The following ZFHX3 variants were observed in gnomAD, a reference collection of about 807,000 sequenced individuals.
ZFHX3 encodes the protein zinc finger homeobox 3, also known as zinc finger homeobox protein 3.
In ZFHX3, 42 loss-of-function variants were observed where a neutral mutation model predicts 279.1. The ratio of observed to expected loss-of-function variants is 0.15; its 90% CI spans 0.12 to 0.19. The LOEUF (loss-of-function observed/expected upper bound fraction) is 0.19. ZFHX3 is among the 10% of genes least tolerant of loss of function. The pLI, the probability that ZFHX3 is intolerant of heterozygous loss-of-function variation, is 1.00. For missense variants in ZFHX3, 4,981 were observed against 4,754.0 expected, an observed-to-expected ratio of 1.05 and a Z score of -1.40; for synonymous variants, 2,293 against 1,957.8, an observed-to-expected ratio of 1.17 and a Z score of -4.52.
rs894949135 is a variant in ZFHX3, at chr16:72,997,848, G to C, written c.-49-37654C>G. Reference sequence around the variant, plus strand: ...CAATCCTGACACTTTGGGAGGCCGAGGCGGCAAGATCGCTTGAGCCCAGGA... The same window carrying C: ...CAATCCTGACACTTTGGGAGGCCGACGCGGCAAGATCGCTTGAGCCCAGGA... On this transcript the variant is annotated intron_variant, in intron 1 of 9. Transcript: ENST00000268489. 3.9e-5 allele frequency among the ~76,000 whole-genome samples: 6 copies of C among 152,174 alleles called. 1 individual carries two copies. The South Asian group carries it at 1.2e-3, about 31-fold the overall frequency.
intron 4 of ZFHX3, among the ~76,000 whole-genome samples, chr16:72,871,897 A>C (rs1181947388): frequency 6.6e-6 from 1 of 152,134 alleles, no homozygotes; most frequent in Non-Finnish European, 1.5e-5. Context: ...CACACTGGCT[A>C]ACACAGTGAA....
At chr16:73,723,833 T>C (rs375422848) in intron 1 of ZFHX3, among the ~76,000 whole-genome samples, 38 of 152,114 alleles carry the variant, frequency 2.5e-4, no homozygotes, top group African/African-American at 9.2e-4. Flanking sequence ...CTTCTAGGGG[T>C]CAAAAGCTAC....
chr16:73,420,899 C>T (rs1304937904), intron 3 of ZFHX3: 1 of 152,198 alleles, frequency 6.6e-6, no homozygotes, highest in African/African-American at 2.4e-5. Context: ...CAACTGTTAT[C>T]TTTGTATTTT....
At chr16:73,049,977 G>A (rs571709281), upstream of ZFHX3, among the ~76,000 whole-genome samples, 4 of 152,260 alleles carry the variant, frequency 2.6e-5, no homozygotes, top group East Asian at 5.8e-4. Flanking sequence ...GGCCCACAAC[G>A]CAGAGATGCC....
intron 9 of ZFHX3, chr16:72,789,988 A>G (rs2035627064): frequency 6.6e-6 from 1 of 152,314 alleles, no homozygotes; most frequent in Admixed American, 6.5e-5. Flanking sequence ...AGGTCTGACC[A>G]TATCACCAGG....
At chr16:73,468,170 G>T (rs2018604278) in intron 2 of ZFHX3, among the ~76,000 whole-genome samples, 2 of 152,158 alleles carry the variant, frequency 1.3e-5, no homozygotes, top group South Asian at 4.1e-4. Flanking sequence ...GGCCCAAAAT[G>T]CTGTCCTCAA....
At chr16:73,314,971 T>A (rs2143176652) in intron 4 of ZFHX3, among the ~76,000 whole-genome samples, 1 of 152,332 alleles carries the variant, frequency 6.6e-6, no homozygotes, top group East Asian at 1.9e-4. Flanking sequence ...CTCACGCCTG[T>A]AATTCCAGCA....
At chr16:73,194,226 G>T (rs1207579100) in intron 5 of ZFHX3, among the ~76,000 whole-genome samples, 1 of 151,878 alleles carries the variant, frequency 6.6e-6, no homozygotes, top group Non-Finnish European at 1.5e-5. Flanking sequence ...TTGAGACAGG[G>T]TCTCATTTTG....
intron 2 of ZFHX3, among the ~76,000 whole-genome samples, chr16:73,486,272 G>C (rs1286948230): frequency 6.6e-6 from 1 of 152,184 alleles, no homozygotes; most frequent in Non-Finnish European, 1.5e-5. Flanking sequence ...CATTTACATA[G>C]GACATACACC....
chr16:73,101,186 C>T (rs1966226547), intron 7 of ZFHX3, among the ~76,000 whole-genome samples: 1 of 152,180 alleles, frequency 6.6e-6, no homozygotes, highest in Non-Finnish European at 1.5e-5. Flanking sequence ...CATTAGAGCA[C>T]TGCAGCACCA....
rs1018491038 is a variant in ZFHX3 at position 73,459,072 on chromosome 16, C to T, written c.-1546-2814G>A. ...GATGGGCAATAGCAAAGAGTAGACA[C>T]GTATGTGAGACATACTGAATAATTC... On this transcript the variant is annotated intron_variant, in intron 2 of 17. Transcript: ENST00000641206. Among the ~76,000 whole-genome samples, 6 of 152,086 alleles carry T rather than the reference C, an allele frequency of 3.9e-5. No homozygotes were observed. In the East Asian group the frequency reaches 5.8e-4, roughly 15 times the overall value.
chr16:73,441,985 G>C (rs962512393), intron 3 of ZFHX3, among the ~76,000 whole-genome samples: 1 of 152,184 alleles, frequency 6.6e-6, no homozygotes, highest in South Asian at 2.1e-4. Context: ...TCAACAGTTA[G>C]TGTCTTGGGA....
chr16:73,524,873 T>A (rs1270478105), intron 2 of ZFHX3, among the ~76,000 whole-genome samples: 1 of 152,182 alleles, frequency 6.6e-6, no homozygotes, highest in Non-Finnish European at 1.5e-5. Flanking sequence ...AGAATGAATA[T>A]TTGCTCTATT....
intron 2 of ZFHX3, among the ~76,000 whole-genome samples, chr16:73,588,702 C>CT (rs2051953711): frequency 3.5e-5 from 2 of 56,416 alleles, no homozygotes; most frequent in East Asian, 1.3e-3. Flanking sequence ...AAACAAAAAA[C>CT]AAAACAAAAA....
chr16:73,453,489 C>T (rs774389630), intron 3 of ZFHX3, among the ~76,000 whole-genome samples: 2 of 152,212 alleles, frequency 1.3e-5, no homozygotes, highest in Non-Finnish European at 2.9e-5. Flanking sequence ...GACACTCAAG[C>T]TGGTCACCTA....
At position 73,804,600 on chromosome 16, in the gene ZFHX3, TA is replaced by T. The variant is rs1187142938; in HGVS notation, c.-1608+87050del. On this transcript the variant is annotated intron_variant, in intron 1 of 17. Coordinates refer to the ZFHX3 transcript ENST00000641206. ...GCTTAGTATCTGGAAACTCATTTGA[TA>T]TAATTTACAACCCTCAGAGGCCCAT... Among the ~76,000 whole-genome samples the T allele has an allele frequency of 9.8e-5, 15 of 152,292 alleles. No individual in the cohort carries two copies. In the East Asian group the frequency reaches 2.9e-3, roughly 29 times the overall value.
chr16:73,514,404 C>T (rs2019485467), intron 2 of ZFHX3, among the ~76,000 whole-genome samples: 1 of 152,184 alleles, frequency 6.6e-6, no homozygotes, highest in East Asian at 1.9e-4. Flanking sequence ...TATGCCAACA[C>T]TATGCTAGGC....
At chr16:72,999,180 C>T (rs1010675407) in intron 1 of ZFHX3, among the ~76,000 whole-genome samples, 2 of 152,164 alleles carry the variant, frequency 1.3e-5, no homozygotes, top group African/African-American at 4.8e-5. Context: ...GACAAAGTCC[C>T]GCTCTGTCGC....
chr16:72,884,268 A>G (rs1303497922), intron 4 of ZFHX3, among the ~76,000 whole-genome samples: 3 of 152,176 alleles, frequency 2.0e-5, no homozygotes, highest in Non-Finnish European at 4.4e-5. Flanking sequence ...AGCTGTGTGC[A>G]CCTCTCTGGC....
Sources: allele counts gnomAD v4.1 joint callset (sites outside exome capture counted in the v4.1 genomes callset), GRCh38; gene constraint gnomAD v4.1.1; transcripts MANE v1.5; gene names NCBI Gene and HGNC (gene_info 2026-07-23, HGNC 2026-07-21).